Variants in TENM2 observed in about 807,000 individuals in gnomAD.
TENM2 encodes the protein teneurin transmembrane protein 2, also known as teneurin-2.
A neutral mutation model predicts 245.2 loss-of-function variants in TENM2; 52 were observed. The observed-to-expected ratio is 0.21, with a 90% CI of 0.17 to 0.27. The LOEUF is 0.27. TENM2 is among the 10% of genes least tolerant of loss of function. TENM2 has a pLI of 1.00. For synonymous variants in TENM2, 1,363 were observed against 1,438.9 expected (o/e 0.95, Z 1.19); for missense variants, 3,046 against 3,666.8 (o/e 0.83, Z 4.37).
the TENM2 span, among the ~76,000 whole-genome samples, chr5:167,272,232 C>T: frequency 6.6e-6 from 1 of 152,154 alleles, no homozygotes; most frequent in Non-Finnish European, 1.5e-5. Context: ...AAATGAACCA[C>T]TTTTATGCAA....
the TENM2 span, among the ~76,000 whole-genome samples, chr5:167,013,383 C>G: frequency 1.3e-5 from 2 of 152,122 alleles, no homozygotes; most frequent in Admixed American, 1.3e-4. Flanking sequence ...CCTTTTCCAC[C>G]TTTTCTATCA....
chr5:167,771,499 T>G (rs1336692730), intron 2 of TENM2, among the ~76,000 whole-genome samples: 1 of 151,910 alleles, frequency 6.6e-6, no homozygotes, highest in Non-Finnish European at 1.5e-5. Context: ...TGAAGAAGAG[T>G]AGGGTTTTGT....
At chr5:167,233,353 T>G in the TENM2 span, among the ~76,000 whole-genome samples, 1 of 152,156 alleles carries the variant, frequency 6.6e-6, no homozygotes, top group African/African-American at 2.4e-5. Flanking sequence ...CCCCCTTCTT[T>G]TTAAAAATTT....
intron 13 of TENM2, among the ~76,000 whole-genome samples, chr5:168,174,682 G>A (rs550484112): frequency 2.9e-4 from 44 of 152,292 alleles, no homozygotes; most frequent in Non-Finnish European, 4.9e-4. Flanking sequence ...GGATTCCTCC[G>A]AGCGTGTCAG....
At chr5:167,056,545 A>G in the TENM2 span, among the ~76,000 whole-genome samples, 7 of 135,102 alleles carry the variant, frequency 5.2e-5, no homozygotes, top group Non-Finnish European at 9.4e-5. Flanking sequence ...TCTATAAAAT[A>G]TATAAATATA....
chr5:167,759,723 G>T (rs1293564305), intron 2 of TENM2, among the ~76,000 whole-genome samples: 2 of 152,090 alleles, frequency 1.3e-5, no homozygotes, highest in Non-Finnish European at 2.9e-5. Context: ...TTTCTGGCTG[G>T]TTGACCTGGG....
At chr5:168,063,799 G>T (rs914852252) in intron 7 of TENM2, among the ~76,000 whole-genome samples, 4 of 152,098 alleles carry the variant, frequency 2.6e-5, no homozygotes, top group African/African-American at 9.7e-5. Context: ...AGATGAAACT[G>T]ATTTGCAATC....
chr5:167,373,772 C>T (rs867068593), intron 1 of TENM2, among the ~76,000 whole-genome samples: 16 of 152,170 alleles, frequency 1.1e-4, no homozygotes, highest in Non-Finnish European at 1.6e-4. Flanking sequence ...TGACCTTGGA[C>T]ATGGTGTTTA....
chr5:167,300,114 T>C (rs1261921609), intron 1 of TENM2, among the ~76,000 whole-genome samples: 1 of 152,174 alleles, frequency 6.6e-6, no homozygotes, highest in Admixed American at 6.5e-5. Context: ...CTGACCACAC[T>C]AACCATGCCT....
chr5:167,545,554 C>A (rs1008743863), intron 2 of TENM2, among the ~76,000 whole-genome samples: 1 of 152,132 alleles, frequency 6.6e-6, no homozygotes, highest in African/African-American at 2.4e-5. Context: ...ATTTTTACAT[C>A]TTCAAACACG....
At chr5:167,125,985 T>C in the TENM2 span, among the ~76,000 whole-genome samples, 4,240 of 152,312 alleles carry the variant, frequency 0.028, 186 homozygotes, top group African/African-American at 0.096. Context: ...ATAGTATATG[T>C]ACACAAAGTG....
chr5:168,082,791 G>A (rs979339928), intron 7 of TENM2, among the ~76,000 whole-genome samples: 5 of 152,158 alleles, frequency 3.3e-5, no homozygotes, highest in African/African-American at 1.2e-4. Context: ...AACAAATGTT[G>A]CTGCCTGATC....
At chr5:167,196,494 A>ATGTGTGTATATATT in the TENM2 span, among the ~76,000 whole-genome samples, 1 of 147,482 alleles carries the variant, frequency 6.8e-6, no homozygotes, top group African/African-American at 2.6e-5. Context: ...GTGTATATAT[A>ATGTGTGTATATATT]TATGTGTATA....
exon 27 of TENM2, chr5:168,248,102 A>G: frequency 6.2e-7 from 1 of 1,613,984 alleles, no homozygotes; most frequent in Non-Finnish European, 8.5e-7. Flanking sequence ...ATGATCAAAC[A>G]GCTGCAGTAC....
chr5:167,070,107 A>ATATT, the TENM2 span, among the ~76,000 whole-genome samples: 1,386 of 55,032 alleles, frequency 0.025, 20 homozygotes, highest in African/African-American at 0.11. Flanking sequence ...CATTTGACAA[A>ATATT]TATTTATTTA....
At chr5:167,300,829 AGGGAAGCCCATAAC>A (rs879415962) in intron 1 of TENM2, among the ~76,000 whole-genome samples, 9 of 152,298 alleles carry the variant, frequency 5.9e-5, no homozygotes, top group Middle Eastern at 3.4e-3. Context: ...AGGAATAGTC[AGGGAAGCCCATAAC>A]TTAGTTAAAG....
the TENM2 span, among the ~76,000 whole-genome samples, chr5:167,034,335 T>G: frequency 1.3e-5 from 2 of 150,594 alleles, no homozygotes; most frequent in South Asian, 4.2e-4. Flanking sequence ...TAGGTGTACA[T>G]GTGAAATTAT....
At chr5:168,123,176 G>A (rs532846445) in intron 10 of TENM2, among the ~76,000 whole-genome samples, 4 of 151,972 alleles carry the variant, frequency 2.6e-5, no homozygotes, top group East Asian at 1.9e-4. Context: ...ATGTGTGTCC[G>A]TGGTCCTAAC....
chr5:167,962,103 C>T (rs1330359822), intron 4 of TENM2, among the ~76,000 whole-genome samples: 13 of 152,302 alleles, frequency 8.5e-5, no homozygotes, highest in Admixed American at 7.8e-4. Context: ...CCACGCAGAT[C>T]ACTGTCCTGC....
Sources: allele counts gnomAD v4.1 joint callset (sites outside exome capture counted in the v4.1 genomes callset), GRCh38; gene constraint gnomAD v4.1.1; transcripts MANE v1.5; gene names NCBI Gene and HGNC (gene_info 2026-07-23, HGNC 2026-07-21).